BCL9L: variants seen among roughly 807,000 people sequenced by gnomAD.
The protein encoded by BCL9L is BCL9 like, also known as B-cell CLL/lymphoma 9-like protein.
In BCL9L, 19 loss-of-function variants were observed where a neutral mutation model predicts 99.4. That is an observed-to-expected ratio of 0.19 (90% CI 0.13 to 0.28). The LOEUF (loss-of-function observed/expected upper bound fraction) is 0.28. Among genes scored for constraint, BCL9L ranks in the 10% least tolerant of loss-of-function variants. The pLI is 1.00. For missense variants in BCL9L, 2,023 were observed against 2,101.6 expected (o/e 0.96, Z 0.73); for synonymous variants, 900 against 854.8 (o/e 1.05, Z -0.92).
At chr11:118,906,278 G>A (rs935339433) in intron 5 of BCL9L, among the ~76,000 whole-genome samples, 3 of 152,218 alleles carry the variant, frequency 2.0e-5, no homozygotes, top group African/African-American at 7.2e-5. Context: ...GGTGGCTATG[G>A]GGGGAGGTGT....
chr11:118,912,519 C>T (rs1171903544), intron 2 of BCL9L, among the ~76,000 whole-genome samples: 1 of 152,172 alleles, frequency 6.6e-6, no homozygotes, highest in African/African-American at 2.4e-5. Context: ...TAGGAGCTAG[C>T]AGCCTAAGGG....
intron 2 of BCL9L, among the ~76,000 whole-genome samples, chr11:118,916,596 C>T (rs557804902): frequency 1.3e-5 from 2 of 152,344 alleles, no homozygotes; most frequent in African/African-American, 4.8e-5. Flanking sequence ...CTGGAGGTGT[C>T]CCTTGGACGC....
chr11:118,910,239 T>C (rs1940720979), intron 2 of BCL9L: 2 of 431,070 alleles, frequency 4.6e-6, no homozygotes, highest in South Asian at 6.0e-5. Context: ...CCAGCAAGCC[T>C]CCGCCCCGAC....
chr11:118,899,576 C>A, intron 9 of BCL9L, 68 bp from the exon 10 acceptor site: 2 of 1,564,618 alleles, frequency 1.3e-6, no homozygotes, highest in Non-Finnish European at 1.7e-6. Flanking sequence ...AGGGCTCAGG[C>A]CTTCCCCACT....
In BCL9L at chr11:118,902,660, G is replaced by A. The variant is rs1940317919; in HGVS notation, c.1083C>T (p.Ala361=). The change falls in exon 8 of 10, where the codon GCC becomes GCT. Residue 361 remains alanine (A), a synonymous_variant. Transcript: ENST00000683865. This position sits in a 1 kb window ranked among gnomAD's most constrained non-coding sequence, Gnocchi z 7.8. The part of the protein sequence containing the change: ...THPNTPTATT[A]NNPLPPGGDP... ...CTCCTCCAGGAGGCAGAGGGTTGTT[G>A]GCGGTGGTAGCCGTCGGGGTGTTAG... 1 of 1,599,494 alleles carries A rather than the reference G, an allele frequency of 6.3e-7. No individual in the cohort carries two copies. Among genetic ancestry groups the A allele is most frequent in the African/African-American group, 1.3e-5 (1 of 74,906 alleles).
At position 118,908,457 on chromosome 11, in the gene BCL9L, C is replaced by A; in HGVS notation, c.225G>T (p.Val75=). ...CCTTGGCCCCATGGTTCCCCGCCCC[C>A]ACGCCCTTCGAGCCCACGTTGCAGG... The part of the protein sequence containing the change: ...GPTCNVGSKG[V]GAGNHGAKAN... Residue 75 remains valine (V), a synonymous_variant, in exon 4 of 10, where the codon GTG becomes GTT. Coordinates refer to ENST00000683865, the MANE Select transcript of BCL9L (RefSeq NM_001378213.1). 6.2e-7 allele frequency: 1 copy of A among 1,614,140 alleles called. No homozygotes were observed. Among genetic ancestry groups the A allele is most frequent in the Non-Finnish European group, 8.5e-7 (1 of 1,179,990 alleles).
rs752998571 is a variant in BCL9L, at chr11:118,902,905, G to C, written c.838C>G (p.Pro280Ala). Residue 280 changes from proline to alanine, a missense_variant, in exon 8 of 10, where the codon CCT (proline) becomes GCT (alanine). Pro to Ala is a conservative substitution (Grantham distance 27). Coordinates refer to ENST00000683865, the MANE Select transcript of BCL9L (RefSeq NM_001378213.1). The surrounding 1 kb of genome is among the most constrained non-coding windows in gnomAD (Gnocchi z 7.8). ...NVPRAKLDQA[P>A]KVPPTPEPLP... ...GGTTCTGGGGTGGGGGGCACTTTAGGGGCCTGCAGAAGGACAAAGAGAGCA... is the reference window on the plus strand; with the variant it reads ...GGTTCTGGGGTGGGGGGCACTTTAGCGGCCTGCAGAAGGACAAAGAGAGCA... 10 of 1,577,494 alleles carry C rather than the reference G, an allele frequency of 6.3e-6. No homozygotes were observed. Among genetic ancestry groups the C allele is most frequent in the Non-Finnish European group, 8.6e-6 (10 of 1,166,736 alleles).
intron 5 of BCL9L, among the ~76,000 whole-genome samples, chr11:118,904,776 C>G (rs934996540): frequency 3.9e-5 from 6 of 152,224 alleles, no homozygotes; most frequent in Non-Finnish European, 8.8e-5. Flanking sequence ...GTCAGGCTGC[C>G]CTCTTTGGAA....
chr11:118,923,003 G>T (rs1428395085), intron 1 of BCL9L, among the ~76,000 whole-genome samples: 1 of 151,834 alleles, frequency 6.6e-6, no homozygotes, highest in African/African-American at 2.4e-5. Flanking sequence ...GTGTGGGGGT[G>T]CCCCCAGCTC....
chr11:118,910,045 C>A, intron 2 of BCL9L, 30 bp from the exon 3 acceptor site: 1 of 1,497,348 alleles, frequency 6.7e-7, no homozygotes. Context: ...AGAGAAAACT[C>A]GTGACTTGGG....
intron 1 of BCL9L, among the ~76,000 whole-genome samples, chr11:118,924,807 G>C (rs1000594167): frequency 2.6e-5 from 4 of 152,232 alleles, no homozygotes; most frequent in African/African-American, 9.6e-5. Flanking sequence ...GTGACCCCCA[G>C]CTCTCCCCAG....
chr11:118,922,887 T>C lies in BCL9L; in HGVS notation c.-131+2351A>G, dbSNP rs960335129. 6.6e-6 allele frequency among the ~76,000 whole-genome samples: 1 copy of C among 152,018 alleles called. No individual in the cohort carries two copies. The highest frequency in any genetic ancestry group is 6.5e-5 in the Admixed American group (1 of 15,286). ...CCAAAGGACTTCCCAGGCACCTCCT[T>C]GTGGGCCTCTTCTGATTCTGGGAAG... On this transcript the variant is annotated intron_variant, in intron 1 of 9. Transcript: ENST00000683865. This position sits in a 1 kb window ranked among gnomAD's most constrained non-coding sequence, Gnocchi z 6.2.
At position 118,908,457 on chromosome 11, in the gene BCL9L, C is replaced by G. The variant is rs1012117892; in HGVS notation, c.225G>C (p.Val75=). The part of the protein sequence containing the change: ...GPTCNVGSKG[V]GAGNHGAKAN... ...CCTTGGCCCCATGGTTCCCCGCCCC[C>G]ACGCCCTTCGAGCCCACGTTGCAGG... is the stretch of plus-strand genomic sequence containing the variant. Residue 75 remains valine (V), a synonymous_variant, in exon 4 of 10, where the codon GTG becomes GTC. Coordinates refer to ENST00000683865, the MANE Select transcript of BCL9L (RefSeq NM_001378213.1). 1.9e-6 allele frequency: 3 copies of G among 1,614,022 alleles called. No individual in the cohort carries two copies. In the African/African-American group the frequency reaches 4.0e-5, roughly 22 times the overall value.
At chr11:118,907,685 C>T in intron 4 of BCL9L, 83 bp from the exon 5 acceptor site, 1 of 1,567,188 alleles carries the variant, frequency 6.4e-7, no homozygotes, top group Non-Finnish European at 8.6e-7. Context: ...CAGATCCATT[C>T]TCTAAGATGC....
intron 2 of BCL9L, among the ~76,000 whole-genome samples, chr11:118,912,895 A>G (rs1194446944): frequency 2.0e-5 from 3 of 152,122 alleles, no homozygotes; most frequent in African/African-American, 7.2e-5. Flanking sequence ...CCTCTGGCTC[A>G]GGGAGATACA....
chr11:118,897,233 G>A lies in BCL9L; in HGVS notation c.*1182C>T, dbSNP rs2137668531. The A allele has an allele frequency of 6.4e-6, 1 of 155,938 alleles. No individual in the cohort carries two copies. 9.7% of individuals were successfully genotyped at this position (155,938 alleles called of 1,614,324 possible). ...TGGCAGCAGCCTCTGGAAAAGTCAG[G>A]GCCCTGGAGGTTACCTGGCCCAGGG... On this transcript the variant is annotated 3_prime_UTR_variant, in exon 10 of 10. Transcript: ENST00000683865.
rs542302053 is a variant in BCL9L, at chr11:118,899,111, G to T, written c.3804C>A (p.Asn1268Lys). The change falls in exon 10 of 10, where the codon AAC (asparagine) becomes AAA (lysine). Residue 1268 changes from asparagine to lysine, a missense_variant. Physicochemically the swap from Asn to Lys is moderately conservative, Grantham distance 94. Around this residue, in one of 3 missense-constraint regions of BCL9L, gnomAD observed 902 missense variants for 888.2 expected, o/e 1.02. Coordinates refer to ENST00000683865, the MANE Select transcript of BCL9L (RefSeq NM_001378213.1). ...GGGGAGGCATGGGGCCTGGCGGCTG[G>T]TTGGGCAGGTCCTCGGGAGGCAGGG... is the stretch of plus-strand genomic sequence containing the variant. ...GMALPPEDLPNQPPGPMPPQQ... is the reference protein window; with the variant it reads ...GMALPPEDLPKQPPGPMPPQQ... 6.3e-6 allele frequency: 10 copies of T among 1,575,376 alleles called. No homozygotes were observed. In the East Asian group the frequency reaches 2.3e-4, roughly 36 times the overall value.
rs1214061250 is a variant in BCL9L at position 118,925,372 on chromosome 11, A to G, written c.-265T>C. 6.6e-6 allele frequency: 1 copy of G among 152,070 alleles called. No homozygotes were observed. The highest frequency in any genetic ancestry group is 1.5e-5 in the Non-Finnish European group (1 of 68,084). The allele number at this position is 152,070 out of a possible 1,614,324, so 9.4% of individuals were successfully genotyped here. A position where few individuals can be genotyped will look rare whatever the true frequency, so the allele number is the denominator to read the frequency against. ...GGGGCGGGCAGGCGGTGATCTTTTG[A>G]TCCTGGACGCCTTGATCTCAATACC... is the stretch of plus-strand genomic sequence containing the variant. On this transcript the variant is annotated 5_prime_UTR_variant, in exon 1 of 10. Coordinates refer to ENST00000683865, the MANE Select transcript of BCL9L (RefSeq NM_001378213.1). The surrounding 1 kb of genome is among the most constrained non-coding windows in gnomAD (Gnocchi z 6.4).
chr11:118,915,150 T>C (rs961516188), intron 2 of BCL9L, among the ~76,000 whole-genome samples: 2 of 151,964 alleles, frequency 1.3e-5, no homozygotes, highest in African/African-American at 4.8e-5. Flanking sequence ...AAACCAAGTT[T>C]GTAGTCAGAC....
Sources: gnomAD v4.1 joint callset for allele counts (sites outside exome capture counted in the v4.1 genomes callset) on GRCh38, gnomAD v4.1.1 for gene constraint, gnomAD v4.1.1 regional missense constraint, Gnocchi (gnomAD v3.1) non-coding constraint, MANE v1.5 for transcripts, NCBI Gene and HGNC (gene_info 2026-07-23, HGNC 2026-07-21) for gene names.